Variants in SLC2A7 observed in about 807,000 individuals in gnomAD.
SLC2A7 encodes solute carrier family 2 member 7.
A neutral mutation model predicts 50.5 loss-of-function variants in SLC2A7; 50 were observed. That is an observed-to-expected ratio of 0.99 (90% CI 0.79 to 1.25). The LOEUF (loss-of-function observed/expected upper bound fraction) is 1.25, where lower values mean the gene tolerates loss of function less well. SLC2A7 is among the 50% of genes most tolerant of loss of function. The pLI is 0.00. For synonymous variants in SLC2A7, 308 were observed against 300.4 expected, an observed-to-expected ratio of 1.03 and a Z score of -0.26; for missense variants, 683 against 679.1, an observed-to-expected ratio of 1.01 and a Z score of -0.06.
At chr1:9,001,440 T>TA (rs1640571015), downstream of SLC2A7, among the ~76,000 whole-genome samples, 1 of 149,198 alleles carries the variant, frequency 6.7e-6, no homozygotes. Flanking sequence ...TTTTTTTTTT[T>TA]AGACAGGGTC....
At chr1:9,007,574 A>AG (rs780866225) in intron 9 of SLC2A7, among the ~76,000 whole-genome samples, 189 bp from the exon 10 acceptor site, 2 of 152,170 alleles carry the variant, frequency 1.3e-5, no homozygotes, top group Non-Finnish European at 2.9e-5. Flanking sequence ...AGCCTCCCAC[A>AG]GGGCTCCCTC....
rs1556757 is a variant in SLC2A7, at chr1:9,014,873, G to A, written c.716-5C>T. 601,649 of 1,587,004 alleles carry A rather than the reference G, an allele frequency of 0.38. 116,871 individuals are homozygous for A. Among genetic ancestry groups the A allele is most frequent in the Admixed American group, 0.56 (31,636 of 56,266 alleles). On this transcript the variant is annotated splice_region_variant and splice_polypyrimidine_tract_variant and intron_variant, in intron 6 of 11. Coordinates refer to ENST00000400906, the MANE Select transcript of SLC2A7 (RefSeq NM_207420.3). The stretch of plus-strand genomic sequence containing the variant: ...GGCCTCTCAGCCTCCTCAGAGCTGC[G>A]GAAAGCAGAACCACCCGCTCAGAGG...
chr1:9,016,839 G>C (rs141032563), intron 5 of SLC2A7, among the ~76,000 whole-genome samples: 1 of 152,108 alleles, frequency 6.6e-6, no homozygotes, highest in Non-Finnish European at 1.5e-5. Context: ...CACCCTCCAC[G>C]AGTGTCTCTC....
rs1486737822 is a variant in SLC2A7, at chr1:9,013,613, A to G, written c.926T>C (p.Ile309Thr). 1 of 1,614,098 alleles carries G rather than the reference A, an allele frequency of 6.2e-7. No homozygotes were observed. Among genetic ancestry groups the G allele is most frequent in the Non-Finnish European group, 8.5e-7 (1 of 1,179,990 alleles). The part of the protein sequence containing the change: ...INAINYYADT[I>T]YTSAGVEAAH... ...GGCCTCCACGCCCGCAGATGTGTAGATGGTGTCCGCATAGTAGTTGATCTA... is the reference window on the plus strand; with the variant it reads ...GGCCTCCACGCCCGCAGATGTGTAGGTGGTGTCCGCATAGTAGTTGATCTA... The change falls in exon 8 of 12, where the codon ATC becomes ACC. Residue 309 changes from isoleucine (I) to threonine (T), a missense_variant. Physicochemically the swap from Ile to Thr is moderately conservative, Grantham distance 89. Coordinates refer to ENST00000400906, the MANE Select transcript of SLC2A7 (RefSeq NM_207420.3).
chr1:8,993,082 T>C, the SLC2A7 span, among the ~76,000 whole-genome samples: 1 of 152,190 alleles, frequency 6.6e-6, no homozygotes, highest in Non-Finnish European at 1.5e-5. Context: ...TGACTCACAG[T>C]TCCATGTGGC....
At position 9,007,112 on chromosome 1, in the gene SLC2A7, C is replaced by T. The variant is rs541162029; in HGVS notation, c.1192+198G>A. 3.3e-5 allele frequency among the ~76,000 whole-genome samples: 5 copies of T among 152,326 alleles called. No individual in the cohort carries two copies. The South Asian group carries it at 1.0e-3, about 32-fold the overall frequency. On this transcript the variant is annotated intron_variant, in intron 10 of 11. Coordinates refer to ENST00000400906, the MANE Select transcript of SLC2A7 (RefSeq NM_207420.3). ...CCACAGATGATCAGTGGGGCGCTGG[C>T]CTGGCTGGCGCTGGTTGAATGAATG...
chr1:8,998,480 A>G (rs1026502614), downstream of SLC2A7, among the ~76,000 whole-genome samples: 3 of 152,196 alleles, frequency 2.0e-5, no homozygotes, highest in South Asian at 2.1e-4. Flanking sequence ...CTGGCGTTCC[A>G]TTAACTGTTC....
chr1:9,000,652 G>A (rs190740347), downstream of SLC2A7, among the ~76,000 whole-genome samples: 151 of 151,992 alleles, frequency 9.9e-4, 1 homozygote, highest in Middle Eastern at 3.4e-3. Flanking sequence ...AAAATAAAAG[G>A]GGTGGTCTAA....
At chr1:9,015,869 G>A (rs1443234652) in intron 5 of SLC2A7, among the ~76,000 whole-genome samples, 3 of 150,766 alleles carry the variant, frequency 2.0e-5, no homozygotes, top group Non-Finnish European at 2.9e-5. Flanking sequence ...AACTACACGC[G>A]TGCATTACCG....
chr1:8,997,957 G>A, the SLC2A7 span, among the ~76,000 whole-genome samples: 1 of 152,100 alleles, frequency 6.6e-6, no homozygotes, highest in South Asian at 2.1e-4. Flanking sequence ...ATAATTTAAG[G>A]TTTTAATTTG....
intron 9 of SLC2A7, 71 bp from the exon 10 acceptor site, chr1:9,007,456 C>T: frequency 7.0e-7 from 1 of 1,434,672 alleles, no homozygotes; most frequent in African/African-American, 1.4e-5. Context: ...ACCTGCGGGT[C>T]CCACCTTCCT....
chr1:9,014,937 G>A, intron 6 of SLC2A7, 69 bp from the exon 7 acceptor site: 2 of 1,511,678 alleles, frequency 1.3e-6, no homozygotes, highest in Non-Finnish European at 8.8e-7. Context: ...CCCCCATGCT[G>A]GCCCTGAGCT....
downstream of SLC2A7, among the ~76,000 whole-genome samples, chr1:9,001,379 C>A (rs1456059476): frequency 6.6e-6 from 1 of 150,932 alleles, no homozygotes; most frequent in Non-Finnish European, 1.5e-5. Context: ...GCCTAGGATT[C>A]CAGCAGGGAG....
chr1:8,997,772 A>C, the SLC2A7 span, among the ~76,000 whole-genome samples: 1 of 152,156 alleles, frequency 6.6e-6, no homozygotes, highest in African/African-American at 2.4e-5. Flanking sequence ...TATGATTTGC[A>C]ATTTTTTTGT....
rs530461668 is a variant in SLC2A7 at position 9,021,760 on chromosome 1, C to T, written c.311+1158G>A. On this transcript the variant is annotated intron_variant, in intron 3 of 11. Transcript: ENST00000400906. ...CACGTTCCCACCCTTCTCTGGACTC[C>T]CAGCCCTTCCTGATGACTATAAGGG... 2.0e-4 allele frequency among the ~76,000 whole-genome samples: 31 copies of T among 152,294 alleles called. No individual in the cohort carries two copies. The South Asian group carries it at 6.0e-3, about 30-fold the overall frequency.
chr1:9,000,157 ACTC>A (rs1640555196), downstream of SLC2A7, among the ~76,000 whole-genome samples: 1 of 151,958 alleles, frequency 6.6e-6, no homozygotes, highest in Non-Finnish European at 1.5e-5. Flanking sequence ...TTTTTTTGAC[ACTC>A]CTCTATTCAA....
chr1:9,007,314 C>T lies in SLC2A7; in HGVS notation c.1188G>A (p.Gly396=), dbSNP rs1158186919. The change falls in exon 10 of 12, where the codon GGG becomes GGA. Residue 396 remains glycine (G), a synonymous_variant. Coordinates refer to ENST00000400906, the MANE Select transcript of SLC2A7 (RefSeq NM_207420.3). The part of the protein sequence containing the change: ...VFAYIAGHSI[G]PSPVPSVVRT... ...GGGAGGCGTGCAGGTACTCACTGGG[C>T]CCAATGGAATGTCCCGCGATGTAGG... is the stretch of plus-strand genomic sequence containing the variant. The T allele has an allele frequency of 6.2e-7, 1 of 1,614,196 alleles. No homozygotes were observed. The highest frequency in any genetic ancestry group is 1.7e-5 in the Admixed American group (1 of 60,026).
At chr1:9,021,290 G>A (rs1217524076) in intron 3 of SLC2A7, among the ~76,000 whole-genome samples, 3 of 152,098 alleles carry the variant, frequency 2.0e-5, no homozygotes, top group Non-Finnish European at 4.4e-5. Flanking sequence ...GATTACTGGC[G>A]CGAGCCCCCG....
downstream of SLC2A7, among the ~76,000 whole-genome samples, chr1:9,001,322 G>A (rs186844894): frequency 1.3e-5 from 2 of 151,988 alleles, no homozygotes; most frequent in African/African-American, 2.4e-5. Flanking sequence ...GGAAACCCAC[G>A]TTATGACAAT....
Sources: gnomAD v4.1 joint callset for allele counts (sites outside exome capture counted in the v4.1 genomes callset) on GRCh38, gnomAD v4.1.1 for gene constraint, MANE v1.5 for transcripts, NCBI Gene and HGNC (gene_info 2026-07-23, HGNC 2026-07-21) for gene names.